Variants in VEPH1 observed in about 807,000 individuals in gnomAD.
VEPH1 encodes the protein ventricular zone-expressed PH domain-containing protein homolog 1.
Under a neutral mutation model 85.2 loss-of-function variants are expected in VEPH1, and 80 were observed. The observed-to-expected ratio is 0.94, with a 90% CI of 0.78 to 1.13. The LOEUF (loss-of-function observed/expected upper bound fraction) is 1.13, where lower values mean the gene tolerates loss of function less well. Ranked by LOEUF, VEPH1 falls within the 50% of genes most tolerant of loss-of-function variation. VEPH1 has a pLI of 0.00. For synonymous variants in VEPH1, 297 were observed against 348.0 expected (o/e 0.85, Z 1.63); for missense variants, 955 against 980.5 (o/e 0.97, Z 0.35).
intron 3 of VEPH1, among the ~76,000 whole-genome samples, chr3:157,465,279 G>C (rs1254339593): frequency 6.6e-6 from 1 of 152,146 alleles, no homozygotes; most frequent in Non-Finnish European, 1.5e-5. Flanking sequence ...CTTATAATTT[G>C]GGGAAAGGAG....
chr3:157,479,078 G>A (rs2109563739), intron 2 of VEPH1, among the ~76,000 whole-genome samples: 1 of 152,256 alleles, frequency 6.6e-6, no homozygotes, highest in Admixed American at 6.5e-5. Context: ...ATCATTTAAA[G>A]CATTTTGGCA....
chr3:157,444,150 G>C (rs570154666), intron 4 of VEPH1, among the ~76,000 whole-genome samples: 40 of 152,268 alleles, frequency 2.6e-4, no homozygotes, highest in African/African-American at 8.9e-4. Context: ...TTCTATGTGA[G>C]GGCTGATAGA....
intron 11 of VEPH1, among the ~76,000 whole-genome samples, chr3:157,293,979 A>G (rs566099034): frequency 1.3e-5 from 2 of 152,358 alleles, no homozygotes; most frequent in South Asian, 4.1e-4. Context: ...GCCAGCACTT[A>G]CATATTCTCC....
rs78494232 is a variant in VEPH1, at chr3:157,382,364, T to C, written c.907-988A>G. 4.0e-3 allele frequency among the ~76,000 whole-genome samples: 614 copies of C among 152,302 alleles called. 6 individuals are homozygous for C. The highest frequency in any genetic ancestry group is 0.014 in the African/African-American group (585 of 41,566). ...CTCTTATACCTATTAAAACTCCTCA[T>C]TAGCCATATTTTGAGGCAACATGAT... On this transcript the variant is annotated intron_variant, in intron 6 of 13. Transcript: ENST00000362010.
Position 157,295,945 on chromosome 3 carries a change from A to T in VEPH1, c.2011-9271T>A, listed in dbSNP as rs910326518. 3.9e-5 allele frequency among the ~76,000 whole-genome samples: 6 copies of T among 152,096 alleles called. No homozygotes were observed. The South Asian group carries it at 8.3e-4, about 21-fold the overall frequency. Reference sequence around the variant, plus strand: ...ACTCTAGCCTGGGCAACAGAGTGAGACTCCATCTCAAAAAAAAATAAATAA... The same window carrying T: ...ACTCTAGCCTGGGCAACAGAGTGAGTCTCCATCTCAAAAAAAAATAAATAA... On this transcript the variant is annotated intron_variant, in intron 11 of 13. Coordinates refer to ENST00000362010, the MANE Select transcript of VEPH1 (RefSeq NM_001167912.2).
At chr3:157,381,975 T>G (rs1728831973) in intron 6 of VEPH1, among the ~76,000 whole-genome samples, 1 of 152,146 alleles carries the variant, frequency 6.6e-6, no homozygotes, top group Admixed American at 6.5e-5. Flanking sequence ...ACCCCACACA[T>G]GCACCTCTCA....
At chr3:157,426,830 C>G (rs1732792088) in intron 5 of VEPH1, among the ~76,000 whole-genome samples, 1 of 127,922 alleles carries the variant, frequency 7.8e-6, no homozygotes, top group South Asian at 2.7e-4. Flanking sequence ...TTTTTTGAGA[C>G]AGAGTCTCAC....
At chr3:157,364,877 G>A (rs1726457077) in intron 7 of VEPH1, among the ~76,000 whole-genome samples, 1 of 152,208 alleles carries the variant, frequency 6.6e-6, no homozygotes, top group South Asian at 2.1e-4. Flanking sequence ...TACATGTGCT[G>A]ATATGTTTGT....
intron 2 of VEPH1, among the ~76,000 whole-genome samples, chr3:157,471,234 T>A (rs188947946): frequency 6.6e-6 from 1 of 152,302 alleles, no homozygotes; most frequent in East Asian, 1.9e-4. Context: ...GACATCATCA[T>A]GTGAGATTAG....
At chr3:157,269,749 A>G (rs1714295261) in intron 12 of VEPH1, among the ~76,000 whole-genome samples, 1 of 149,922 alleles carries the variant, frequency 6.7e-6, no homozygotes, top group South Asian at 2.1e-4. Context: ...GGTGATTCAG[A>G]TATGTTATCA....
At chr3:157,344,924 G>A in intron 9 of VEPH1, among the ~76,000 whole-genome samples, 1 of 142,102 alleles carries the variant, frequency 7.0e-6, no homozygotes, top group African/African-American at 2.5e-5. Flanking sequence ...CAGAAATGGG[G>A]AAAGGATTCC....
chr3:157,335,014 C>T (rs945049006), intron 9 of VEPH1, among the ~76,000 whole-genome samples: 1 of 152,162 alleles, frequency 6.6e-6, no homozygotes, highest in African/African-American at 2.4e-5. Flanking sequence ...AACTACACTA[C>T]AGACTTGTCA....
chr3:157,486,355 G>A (rs1738644972), intron 2 of VEPH1, among the ~76,000 whole-genome samples: 1 of 151,990 alleles, frequency 6.6e-6, no homozygotes, highest in South Asian at 2.1e-4. Context: ...AATTAGTCAG[G>A]TGTGGTGGTG....
chr3:157,384,785 G>C (rs1227546746), intron 6 of VEPH1, among the ~76,000 whole-genome samples: 1 of 152,200 alleles, frequency 6.6e-6, no homozygotes, highest in Non-Finnish European at 1.5e-5. Flanking sequence ...TTTTGGATTA[G>C]AAAGTGTAAT....
chr3:157,265,786 A>G (rs1465593150), intron 12 of VEPH1, 124 bp from the exon 13 acceptor site: 2 of 1,006,384 alleles, frequency 2.0e-6, no homozygotes, highest in Non-Finnish European at 2.8e-6. Context: ...AGGCTAATAA[A>G]TGATGAATTT....
At chr3:157,395,028 T>C (rs746724507) in intron 6 of VEPH1, among the ~76,000 whole-genome samples, 6 of 152,164 alleles carry the variant, frequency 3.9e-5, no homozygotes, top group Non-Finnish European at 7.4e-5. Flanking sequence ...TCTATTGTTC[T>C]CTCAAGCCAG....
At chr3:157,296,508 G>C (rs1421342007) in intron 11 of VEPH1, among the ~76,000 whole-genome samples, 1 of 152,204 alleles carries the variant, frequency 6.6e-6, no homozygotes, top group Non-Finnish European at 1.5e-5. Context: ...GGTGGTGAAA[G>C]TCTTTCTCCT....
chr3:157,270,578 C>T (rs1230456318), intron 12 of VEPH1, among the ~76,000 whole-genome samples: 2 of 152,058 alleles, frequency 1.3e-5, no homozygotes, highest in African/African-American at 2.4e-5. Flanking sequence ...TGGTCTTATT[C>T]AACATGAAGT....
At chr3:157,265,103 C>A (rs1198769145) in intron 13 of VEPH1, among the ~76,000 whole-genome samples, 1 of 151,664 alleles carries the variant, frequency 6.6e-6, no homozygotes, top group African/African-American at 2.4e-5. Context: ...ATAAAAAGTA[C>A]CTAAAGTAAA....
Sources: allele counts gnomAD v4.1 joint callset (sites outside exome capture counted in the v4.1 genomes callset), GRCh38; gene constraint gnomAD v4.1.1; transcripts MANE v1.5; gene names NCBI Gene and HGNC (gene_info 2026-07-23, HGNC 2026-07-21).